Variants in CDH20 observed in about 807,000 individuals in gnomAD.
CDH20 encodes cadherin 20.
Under a neutral mutation model 74.2 loss-of-function variants are expected in CDH20, and 29 were observed. The ratio of observed to expected loss-of-function variants is 0.39; its 90% CI spans 0.29 to 0.53. CDH20 has a LOEUF of 0.53. Ranked by LOEUF, CDH20 falls within the 20% of genes least tolerant of loss-of-function variation. The pLI is 0.69. For missense variants in CDH20, 988 were observed against 1,048.3 expected, an observed-to-expected ratio of 0.94 and a Z score of 0.79; for synonymous variants, 469 against 405.4, an observed-to-expected ratio of 1.16 and a Z score of -1.88.
At chr18:61,386,172 C>T (rs1166591748) in intron 1 of CDH20, among the ~76,000 whole-genome samples, 3 of 152,172 alleles carry the variant, frequency 2.0e-5, no homozygotes, top group Admixed American at 6.5e-5. Context: ...GACTCTTAGA[C>T]ACTTCCTATC....
chr18:61,343,930 A>G (rs1910034912), intron 1 of CDH20, among the ~76,000 whole-genome samples: 1 of 152,154 alleles, frequency 6.6e-6, no homozygotes, highest in Non-Finnish European at 1.5e-5. Flanking sequence ...CCTGGAGAGC[A>G]GTGAGTTCCC....
intron 1 of CDH20, among the ~76,000 whole-genome samples, chr18:61,442,378 A>AT (rs1555676910): frequency 1.3e-5 from 2 of 151,028 alleles, no homozygotes; most frequent in Non-Finnish European, 3.0e-5. Context: ...AAGAAAAAAA[A>AT]AAAAAACAGA....
intron 1 of CDH20, among the ~76,000 whole-genome samples, chr18:61,409,282 C>G (rs968268746): frequency 2.6e-5 from 4 of 152,150 alleles, no homozygotes; most frequent in African/African-American, 4.8e-5. Flanking sequence ...GTGCCCCCAC[C>G]CCGCATCCTC....
intron 3 of CDH20, 49 bp downstream of exon 3, chr18:61,499,529 T>TATACAC (rs1555681147): frequency 1.3e-5 from 14 of 1,046,450 alleles, no homozygotes; most frequent in Middle Eastern, 3.3e-4. Context: ...CCTATATATA[T>TATACAC]ACACACACAC....
intron 1 of CDH20, chr18:61,405,230 C>A: frequency 2.6e-6 from 1 of 384,678 alleles, no homozygotes. Context: ...TGTGGGATGG[C>A]CCCCAACCAG....
intron 1 of CDH20, among the ~76,000 whole-genome samples, chr18:61,477,287 C>A (rs1431287700): frequency 6.6e-6 from 1 of 152,166 alleles, no homozygotes; most frequent in African/African-American, 2.4e-5. Flanking sequence ...TAAACAACAC[C>A]TTCTACAATT....
At chr18:61,404,857 T>C (rs1010542037) in intron 1 of CDH20, 5 of 445,056 alleles carry the variant, frequency 1.1e-5, no homozygotes, top group African/African-American at 1.0e-4. Context: ...TTTTGCATGG[T>C]TTATTTTTCA....
chr18:61,395,254 G>A (rs1911926002), intron 1 of CDH20, among the ~76,000 whole-genome samples: 1 of 152,204 alleles, frequency 6.6e-6, no homozygotes, highest in African/African-American at 2.4e-5. Flanking sequence ...CTCACTAGCA[G>A]TGGTGCTTGG....
At chr18:61,425,256 G>A (rs181321195) in intron 1 of CDH20, among the ~76,000 whole-genome samples, 85 of 152,292 alleles carry the variant, frequency 5.6e-4, no homozygotes, top group Middle Eastern at 3.4e-3. Context: ...CCCAACCCTC[G>A]TGTTTAGGTT....
chr18:61,498,778 G>A (rs561849619), intron 2 of CDH20, among the ~76,000 whole-genome samples: 2 of 152,148 alleles, frequency 1.3e-5, no homozygotes, highest in South Asian at 2.1e-4. Context: ...CAAAACTTAC[G>A]GCAATTTCTT....
intron 1 of CDH20, among the ~76,000 whole-genome samples, chr18:61,388,310 C>G (rs1568120789): frequency 6.6e-6 from 1 of 152,162 alleles, no homozygotes; most frequent in Non-Finnish European, 1.5e-5. Context: ...GACAGTTAAT[C>G]TGGAGTGACA....
intron 6 of CDH20, among the ~76,000 whole-genome samples, chr18:61,517,938 G>C (rs1384141415): frequency 1.3e-5 from 2 of 152,096 alleles, no homozygotes; most frequent in South Asian, 4.1e-4. Context: ...GTGGAGGGAG[G>C]GGGGTCCACC....
At position 61,524,919 on chromosome 18, in the gene CDH20, TA is replaced by T. The variant is rs546661097; in HGVS notation, c.1018-3036del. 6.2e-3 allele frequency among the ~76,000 whole-genome samples: 853 copies of T among 138,686 alleles called. 6 individuals are homozygous for T. The highest frequency in any genetic ancestry group is 0.018 in the Middle Eastern group (5 of 276). The allele number at this position is 138,686 out of a possible 152,430, so 91.0% of individuals were successfully genotyped here. Reference sequence around the variant, plus strand: ...CTGGGTAACAGAGTGAGACGCTGTCTAAAAAAAAAAAACTCCTCATTCATGC... The same window carrying T: ...CTGGGTAACAGAGTGAGACGCTGTCTAAAAAAAAAAACTCCTCATTCATGC... On this transcript the variant is annotated intron_variant, in intron 6 of 11. Transcript: ENST00000262717.
chr18:61,519,165 C>T lies in CDH20; in HGVS notation c.1018-8802C>T, dbSNP rs528818275. Among the ~76,000 whole-genome samples the T allele has an allele frequency of 9.3e-5, 14 of 151,332 alleles. 1 individual carries two copies. Among genetic ancestry groups the T allele is most frequent in the African/African-American group, 3.4e-4 (14 of 40,796 alleles). On this transcript the variant is annotated intron_variant, in intron 6 of 11. Coordinates refer to ENST00000262717, the MANE Select transcript of CDH20 (RefSeq NM_031891.4). Reference sequence around the variant, plus strand: ...ATTTGTTTGTTGTACCTGAAAGTGACGGGGAGAATGGAACCAAGTTGGAAA... The same window carrying T: ...ATTTGTTTGTTGTACCTGAAAGTGATGGGGAGAATGGAACCAAGTTGGAAA...
intron 1 of CDH20, among the ~76,000 whole-genome samples, chr18:61,445,169 A>G (rs2044789157): frequency 6.6e-6 from 1 of 151,986 alleles, no homozygotes; most frequent in South Asian, 2.1e-4. Context: ...TTAGAGTTAA[A>G]ATAGTAATTA....
intron 1 of CDH20, among the ~76,000 whole-genome samples, chr18:61,443,619 C>G (rs1425692529): frequency 6.6e-6 from 1 of 152,106 alleles, no homozygotes; most frequent in Non-Finnish European, 1.5e-5. Context: ...AGGGAGCCCA[C>G]AAAAGAATGC....
At chr18:61,369,195 T>C (rs577588943) in intron 1 of CDH20, among the ~76,000 whole-genome samples, 76 of 152,054 alleles carry the variant, frequency 5.0e-4, no homozygotes, top group Non-Finnish European at 9.4e-4. Flanking sequence ...GACTTACAAA[T>C]GTGAAACTGA....
chr18:61,365,975 C>T (rs1311142852), intron 1 of CDH20, among the ~76,000 whole-genome samples: 2 of 152,102 alleles, frequency 1.3e-5, no homozygotes, highest in South Asian at 2.1e-4. Flanking sequence ...GGTTTTGTTA[C>T]ATTTATCACA....
At position 61,489,596 on chromosome 18, in the gene CDH20, G is replaced by A. The variant is rs6567214; in HGVS notation, c.-152-806G>A. Among the ~76,000 whole-genome samples the A allele has an allele frequency of 7.0e-3, 1,062 of 151,676 alleles. 14 individuals carry two copies. Among genetic ancestry groups the A allele is most frequent in the African/African-American group, 0.023 (953 of 41,316 alleles). On this transcript the variant is annotated intron_variant, in intron 1 of 11. Transcript: ENST00000262717. ...TTGACTGATAAAGATGTGTCCCCAC[G>A]GTAGAAGTCCTTTTCCCTAAATGAG...
Sources: allele counts gnomAD v4.1 joint callset (sites outside exome capture counted in the v4.1 genomes callset), GRCh38; gene constraint gnomAD v4.1.1; transcripts MANE v1.5; gene names NCBI Gene and HGNC (gene_info 2026-07-23, HGNC 2026-07-21).